Variants in DPP6 observed in about 807,000 individuals in gnomAD.
The protein encoded by DPP6 is dipeptidyl peptidase like 6.
DPP6 carries 69 observed loss-of-function variants against 122.6 expected under a neutral mutation model. That is an observed-to-expected ratio of 0.56 (90% CI 0.46 to 0.69). The LOEUF (loss-of-function observed/expected upper bound fraction) is 0.69, where lower values mean the gene tolerates loss of function less well. DPP6 is among the 30% of genes least tolerant of loss of function. The pLI, the probability that DPP6 is intolerant of heterozygous loss-of-function variation, is 0.00. For synonymous variants in DPP6, 418 were observed against 433.1 expected (o/e 0.97, Z 0.43); for missense variants, 928 against 1,116.9 (o/e 0.83, Z 2.41).
At chr7:154,411,398 C>T (rs1488941557) in intron 1 of DPP6, among the ~76,000 whole-genome samples, 1 of 152,112 alleles carries the variant, frequency 6.6e-6, no homozygotes, top group Non-Finnish European at 1.5e-5. Context: ...CACCACCATG[C>T]CCAGCTAATT....
chr7:153,880,038 C>G, the DPP6 span, among the ~76,000 whole-genome samples: 1 of 152,070 alleles, frequency 6.6e-6, no homozygotes, highest in African/African-American at 2.4e-5. Context: ...ATTGTGCCAT[C>G]TTATAGGAAA....
chr7:154,051,449 C>T (rs1454907182), upstream of DPP6, among the ~76,000 whole-genome samples: 3 of 150,782 alleles, frequency 2.0e-5, no homozygotes, highest in Admixed American at 6.6e-5. Context: ...GCGGGAGGGC[C>T]GGGAGGGGAA....
chr7:154,767,972 C>A (rs1390122904), intron 8 of DPP6, among the ~76,000 whole-genome samples: 1 of 152,206 alleles, frequency 6.6e-6, no homozygotes, highest in African/African-American at 2.4e-5. Context: ...GCTGCAGCAT[C>A]CCCATCAGTG....
intron 1 of DPP6, among the ~76,000 whole-genome samples, chr7:154,269,465 G>C (rs777827456): frequency 5.9e-5 from 9 of 152,126 alleles, no homozygotes; most frequent in Non-Finnish European, 1.2e-4. Flanking sequence ...CTTCTCCTGG[G>C]CCACAGTGCT....
intron 1 of DPP6, among the ~76,000 whole-genome samples, chr7:153,955,596 G>T (rs928461896): frequency 1.3e-5 from 2 of 151,908 alleles, no homozygotes; most frequent in Admixed American, 6.6e-5. Flanking sequence ...CCGCCACCAC[G>T]CCTGGTTAAT....
At chr7:154,549,911 G>T (rs1829504308) in intron 4 of DPP6, among the ~76,000 whole-genome samples, 1 of 151,924 alleles carries the variant, frequency 6.6e-6, no homozygotes, top group Admixed American at 6.6e-5. Flanking sequence ...TACAGAGAAA[G>T]GTAAATGTTT....
chr7:154,484,232 C>G (rs1281124583), intron 3 of DPP6, among the ~76,000 whole-genome samples: 1 of 152,150 alleles, frequency 6.6e-6, no homozygotes, highest in Non-Finnish European at 1.5e-5. Context: ...AGCTTTCCAC[C>G]CTCTCCTCAC....
At chr7:154,721,606 A>G (rs550472827) in intron 7 of DPP6, among the ~76,000 whole-genome samples, 99 of 152,342 alleles carry the variant, frequency 6.5e-4, no homozygotes, top group African/African-American at 2.2e-3. Context: ...TTTAGCTGTG[A>G]CACCAAAAGC....
chr7:154,094,434 G>C (rs1294162948), intron 1 of DPP6: 1 of 152,410 alleles, frequency 6.6e-6, no homozygotes, highest in African/African-American at 2.4e-5. Context: ...GTTCGGCGCA[G>C]GGAGAGCTGC....
chr7:154,521,227 A>T (rs1826950080), intron 3 of DPP6, among the ~76,000 whole-genome samples: 1 of 152,138 alleles, frequency 6.6e-6, no homozygotes, highest in Admixed American at 6.5e-5. Flanking sequence ...ATTTTTAAGG[A>T]TTTTTATTCT....
At chr7:154,720,928 G>A (rs540457921) in intron 7 of DPP6, among the ~76,000 whole-genome samples, 50 of 152,318 alleles carry the variant, frequency 3.3e-4, no homozygotes, top group Non-Finnish European at 6.2e-4. Context: ...AATAAGCCTC[G>A]AGAAGAGGGC....
chr7:154,337,406 G>A (rs553788374), intron 1 of DPP6, among the ~76,000 whole-genome samples: 2 of 152,204 alleles, frequency 1.3e-5, no homozygotes, highest in East Asian at 1.9e-4. Context: ...TTTCAATATT[G>A]TAATAGGCTC....
At chr7:153,808,639 CAAGT>C in the DPP6 span, among the ~76,000 whole-genome samples, 7 of 152,034 alleles carry the variant, frequency 4.6e-5, no homozygotes, top group Non-Finnish European at 1.0e-4. Context: ...TTAGATTTCA[CAAGT>C]AAGTAAGATC....
intron 1 of DPP6, among the ~76,000 whole-genome samples, chr7:154,211,960 G>A (rs2150809805): frequency 7.4e-6 from 1 of 134,312 alleles, no homozygotes; most frequent in Non-Finnish European, 1.7e-5. Context: ...CTCCTCCTGT[G>A]GGCTTGTCAC....
At chr7:153,935,024 G>A (rs142201791) in intron 1 of DPP6, among the ~76,000 whole-genome samples, 130 of 152,330 alleles carry the variant, frequency 8.5e-4, no homozygotes, top group South Asian at 3.1e-3. Context: ...GGGACAGAAG[G>A]CCCGGGGGAG....
At chr7:154,314,143 A>C (rs891734931) in intron 1 of DPP6, among the ~76,000 whole-genome samples, 1 of 152,144 alleles carries the variant, frequency 6.6e-6, no homozygotes, top group Non-Finnish European at 1.5e-5. Context: ...GTGCTTTGGC[A>C]TGGATGCCCC....
chr7:154,127,687 T>A (rs1808040246), intron 1 of DPP6, among the ~76,000 whole-genome samples: 1 of 146,236 alleles, frequency 6.8e-6, no homozygotes, highest in Admixed American at 6.7e-5. Context: ...AAAACAGCTC[T>A]TTCTGAGGTT....
intron 4 of DPP6, among the ~76,000 whole-genome samples, chr7:154,557,019 A>T (rs1169117056): frequency 6.6e-6 from 1 of 152,184 alleles, no homozygotes; most frequent in African/African-American, 2.4e-5. Context: ...AATTTGTAAC[A>T]GGGCCACTCG....
At chr7:154,720,476 GGAA>G (rs1841741886) in intron 7 of DPP6, among the ~76,000 whole-genome samples, 1 of 152,212 alleles carries the variant, frequency 6.6e-6, no homozygotes, top group South Asian at 2.1e-4. Context: ...AAAGTTTTCT[GGAA>G]GAAGGAACCA....
Sources: allele counts gnomAD v4.1 joint callset (sites outside exome capture counted in the v4.1 genomes callset), GRCh38; gene constraint gnomAD v4.1.1; transcripts MANE v1.5; gene names NCBI Gene and HGNC (gene_info 2026-07-23, HGNC 2026-07-21).